Variants in ASRGL1 observed in about 807,000 individuals in gnomAD.
ASRGL1 encodes isoaspartyl peptidase/L-asparaginase.
In ASRGL1, 16 loss-of-function variants were observed where a neutral mutation model predicts 22.4. The observed-to-expected ratio is 0.71, with a 90% CI of 0.48 to 1.08. The LOEUF is 1.08. ASRGL1 is among the 50% of genes least tolerant of loss of function. The probability of loss-of-function intolerance (pLI) is 0.00; values close to 1 mark genes in which losing one functional copy is unlikely to be tolerated. For missense variants in ASRGL1, 412 were observed against 410.1 expected, an observed-to-expected ratio of 1.00 and a Z score of -0.04; for synonymous variants, 165 against 159.3, an observed-to-expected ratio of 1.04 and a Z score of -0.27.
At chr11:62,368,888 C>A (rs1286631086) in intron 4 of ASRGL1, among the ~76,000 whole-genome samples, 1 of 152,214 alleles carries the variant, frequency 6.6e-6, no homozygotes, top group Non-Finnish European at 1.5e-5. Context: ...GCTGTTTTCT[C>A]CTATCTCAGT....
chr11:62,383,883 C>G (rs1393156049), intron 4 of ASRGL1, among the ~76,000 whole-genome samples: 1 of 147,000 alleles, frequency 6.8e-6, no homozygotes, highest in Non-Finnish European at 1.5e-5. Context: ...CACTGCACTC[C>G]AGCCTGGGCG....
Position 62,392,059 on chromosome 11 carries a change from C to T in ASRGL1, c.722-20C>T. ...CCTTTCAGTAATGTGTGTTGTTTCT[C>T]AACCCTTCCTTGTTTTCAGGAAAGA... On this transcript the variant is annotated intron_variant, in intron 6 of 6. Coordinates refer to ENST00000415229, the MANE Select transcript of ASRGL1 (RefSeq NM_001083926.2). 1 of 1,612,232 alleles carries T rather than the reference C, an allele frequency of 6.2e-7. No homozygotes were observed. Among genetic ancestry groups the T allele is most frequent in the Non-Finnish European group, 8.5e-7 (1 of 1,178,236 alleles).
chr11:62,373,161 C>A, intron 4 of ASRGL1: 2 of 1,289,472 alleles, frequency 1.6e-6, no homozygotes, highest in East Asian at 2.3e-5. Flanking sequence ...AGAATACAGC[C>A]CCCAAACCCT....
intron 5 of ASRGL1, among the ~76,000 whole-genome samples, chr11:62,390,323 G>A (rs1465472884): frequency 6.6e-6 from 1 of 152,230 alleles, no homozygotes; most frequent in Non-Finnish European, 1.5e-5. Flanking sequence ...TGCTCTGCCT[G>A]GCCTTCTGAG....
intron 4 of ASRGL1, among the ~76,000 whole-genome samples, chr11:62,385,175 T>A (rs1947172415): frequency 7.0e-6 from 1 of 142,674 alleles, no homozygotes; most frequent in African/African-American, 2.4e-5. Context: ...ACACTGTTAC[T>A]TTAATTTGCT....
At chr11:62,389,379 T>A in intron 5 of ASRGL1, 128 bp downstream of exon 5, 1 of 918,952 alleles carries the variant, frequency 1.1e-6, no homozygotes, top group East Asian at 2.5e-5. Flanking sequence ...AGCTCCAGGA[T>A]GTCTGGGAGT....
At chr11:62,360,105 T>C (rs7123323) in intron 4 of ASRGL1, among the ~76,000 whole-genome samples, 127,954 of 150,330 alleles carry the variant, frequency 0.85, 54,939 homozygotes, top group East Asian at 1. Flanking sequence ...GATCTCGGCT[T>C]ACTGCAACCT....
chr11:62,371,316 CG>C, intron 4 of ASRGL1: 1 of 1,351,496 alleles, frequency 7.4e-7, no homozygotes, highest in Non-Finnish European at 9.8e-7. Flanking sequence ...TGGAGCTCGA[CG>C]GGGCCCCCGG....
intron 2 of ASRGL1, among the ~76,000 whole-genome samples, chr11:62,348,628 G>A (rs981862186): frequency 2.0e-5 from 3 of 151,900 alleles, no homozygotes; most frequent in African/African-American, 2.4e-5. Flanking sequence ...ACTTGAACCT[G>A]GGAGATGGAG....
intron 4 of ASRGL1, among the ~76,000 whole-genome samples, chr11:62,373,616 G>A (rs568089004): frequency 1.2e-4 from 18 of 152,362 alleles, no homozygotes; most frequent in East Asian, 5.8e-4. Context: ...GCAGCTAGGC[G>A]AAGTCGCCGG....
intron 5 of ASRGL1, 129 bp from the exon 6 acceptor site, chr11:62,391,393 G>A: frequency 7.5e-7 from 1 of 1,339,194 alleles, no homozygotes; most frequent in Non-Finnish European, 9.9e-7. Context: ...GCAGATCATG[G>A]CTACTAACCT....
chr11:62,380,380 T>C (rs1056536154), intron 4 of ASRGL1, among the ~76,000 whole-genome samples: 1 of 152,190 alleles, frequency 6.6e-6, no homozygotes, highest in African/African-American at 2.4e-5. Context: ...CCTTGTCTTA[T>C]TGTATTGAAT....
At chr11:62,384,183 T>G (rs1244638497) in intron 4 of ASRGL1, among the ~76,000 whole-genome samples, 1 of 152,052 alleles carries the variant, frequency 6.6e-6, no homozygotes, top group Non-Finnish European at 1.5e-5. Flanking sequence ...CACTCCAGCC[T>G]GGGCAACAGT....
At chr11:62,357,254 G>GTTTTGTTTTC in intron 4 of ASRGL1, 110 bp downstream of exon 4, 4 of 1,216,652 alleles carry the variant, frequency 3.3e-6, no homozygotes, top group Non-Finnish European at 3.4e-6. Context: ...GTTTTGTTTT[G>GTTTTGTTTTC]TTTTGTTTTG....
At chr11:62,367,584 C>A (rs528346548) in intron 4 of ASRGL1, among the ~76,000 whole-genome samples, 10 of 151,704 alleles carry the variant, frequency 6.6e-5, no homozygotes, top group Non-Finnish European at 1.2e-4. Context: ...GTGGAGGTTG[C>A]GGTGAGCTGA....
intron 4 of ASRGL1, among the ~76,000 whole-genome samples, chr11:62,361,481 ATTTTTTTTTT>A (rs35345092): frequency 9.8e-6 from 1 of 101,912 alleles, no homozygotes; most frequent in Non-Finnish European, 1.9e-5. Context: ...AACCTGGCCA[ATTTTTTTTTT>A]TTTTTTTTTT....
At chr11:62,356,566 T>G in intron 3 of ASRGL1, 99 bp downstream of exon 3, 1 of 1,383,848 alleles carries the variant, frequency 7.2e-7, no homozygotes, top group Non-Finnish European at 9.9e-7. Context: ...ATCACTGTTC[T>G]CCTAAAAATA....
At chr11:62,381,034 G>A (rs1358315511) in intron 4 of ASRGL1, among the ~76,000 whole-genome samples, 1 of 152,176 alleles carries the variant, frequency 6.6e-6, no homozygotes. Context: ...TTCTGGGGGC[G>A]GCCGATACTG....
At chr11:62,372,854 A>G in intron 4 of ASRGL1, 1 of 1,603,542 alleles carries the variant, frequency 6.2e-7, no homozygotes, top group Non-Finnish European at 8.5e-7. Context: ...CCTCCCATGA[A>G]TCTACCATGT....
Sources: gnomAD v4.1 joint callset for allele counts (sites outside exome capture counted in the v4.1 genomes callset) on GRCh38, gnomAD v4.1.1 for gene constraint, MANE v1.5 for transcripts, NCBI Gene and HGNC (gene_info 2026-07-23, HGNC 2026-07-21) for gene names.